The following SRBD1 variants were observed in gnomAD, a reference collection of about 807,000 sequenced individuals.
The protein encoded by SRBD1 is S1 RNA binding domain 1.
A neutral mutation model predicts 115.3 loss-of-function variants in SRBD1; 88 were observed. The ratio of observed to expected loss-of-function variants is 0.76; its 90% CI spans 0.64 to 0.91. The LOEUF is 0.91. SRBD1 is among the 40% of genes least tolerant of loss of function. The pLI is 0.00. For synonymous variants in SRBD1, 509 were observed against 407.7 expected (o/e 1.25, Z -2.99); for missense variants, 1,385 against 1,177.4 (o/e 1.18, Z -2.58).
intron 13 of SRBD1, 62 bp from the exon 14 acceptor site, chr2:45,546,901 A>G: frequency 7.0e-7 from 1 of 1,437,354 alleles, no homozygotes; most frequent in South Asian, 1.1e-5. Context: ...TCAGCTGGAG[A>G]AAATGTACAG....
chr2:45,561,322 C>A (rs1672658209), intron 10 of SRBD1, among the ~76,000 whole-genome samples: 1 of 152,272 alleles, frequency 6.6e-6, no homozygotes, highest in African/African-American at 2.4e-5. Flanking sequence ...ACATAATTGG[C>A]TTAAGCAATT....
chr2:45,479,119 A>T lies in SRBD1; in HGVS notation c.1967-2044T>A, dbSNP rs540220181. On this transcript the variant is annotated intron_variant, in intron 15 of 20. Transcript: ENST00000263736. ...AGGTAACAAACTTAATCAATAAATG[A>T]TGTCTGTGTCCTGACTGCTCCACCA... is the stretch of plus-strand genomic sequence containing the variant. 1.1e-3 allele frequency among the ~76,000 whole-genome samples: 166 copies of T among 152,228 alleles called. 1 individual carries two copies. The highest frequency in any genetic ancestry group is 1.8e-3 in the Non-Finnish European group (122 of 67,990).
chr2:45,427,310 C>T (rs1668185242), intron 16 of SRBD1, among the ~76,000 whole-genome samples: 1 of 152,040 alleles, frequency 6.6e-6, no homozygotes. Context: ...GCTAAATGCC[C>T]CAAATAAAAG....
chr2:45,402,037 C>G (rs1667305481), intron 19 of SRBD1, among the ~76,000 whole-genome samples: 1 of 152,106 alleles, frequency 6.6e-6, no homozygotes, highest in Non-Finnish European at 1.5e-5. Context: ...GATATGCCCA[C>G]TCATTAAGGG....
chr2:45,610,537 C>A (rs550216863), intron 1 of SRBD1, among the ~76,000 whole-genome samples: 1 of 152,182 alleles, frequency 6.6e-6, no homozygotes, highest in East Asian at 1.9e-4. Flanking sequence ...GCCTGGAACA[C>A]CAAGACTAGT....
intron 2 of SRBD1, among the ~76,000 whole-genome samples, chr2:45,603,611 C>G (rs1674169459): frequency 6.6e-6 from 1 of 152,176 alleles, no homozygotes; most frequent in African/African-American, 2.4e-5. Context: ...TTCACTGCAA[C>G]CTCCACCTCC....
At chr2:45,506,633 A>C (rs886377279) in intron 14 of SRBD1, among the ~76,000 whole-genome samples, 1 of 152,178 alleles carries the variant, frequency 6.6e-6, no homozygotes, top group African/African-American at 2.4e-5. Flanking sequence ...TACTATTCTT[A>C]AACTCTATGC....
intron 14 of SRBD1, among the ~76,000 whole-genome samples, chr2:45,509,177 C>T (rs944272797): frequency 1.3e-5 from 2 of 152,050 alleles, no homozygotes; most frequent in African/African-American, 2.4e-5. Flanking sequence ...CCCTAATCTC[C>T]GAGGGATATA....
chr2:45,456,645 C>T (rs1051248975), intron 16 of SRBD1, among the ~76,000 whole-genome samples: 4 of 151,822 alleles, frequency 2.6e-5, no homozygotes, highest in Non-Finnish European at 5.9e-5. Context: ...TTTTAAATAG[C>T]CCCAAATTAC....
chr2:45,564,275 G>C (rs968410396), intron 9 of SRBD1, among the ~76,000 whole-genome samples: 1 of 152,062 alleles, frequency 6.6e-6, no homozygotes, highest in African/African-American at 2.4e-5. Flanking sequence ...CAAAAAACTT[G>C]GAAATATAAG....
At chr2:45,427,782 C>G (rs770120892) in intron 16 of SRBD1, among the ~76,000 whole-genome samples, 9 of 152,174 alleles carry the variant, frequency 5.9e-5, no homozygotes, top group Admixed American at 5.9e-4. Flanking sequence ...AAGTTGGCTT[C>G]ATCTCTGGGA....
At chr2:45,457,410 A>G (rs1464843817) in intron 16 of SRBD1, among the ~76,000 whole-genome samples, 1 of 151,968 alleles carries the variant, frequency 6.6e-6, no homozygotes, top group African/African-American at 2.4e-5. Context: ...TACTAGGACA[A>G]CAGATTTTGG....
At chr2:45,463,029 GGGA>G (rs1360049435) in intron 16 of SRBD1, among the ~76,000 whole-genome samples, 813 of 76,806 alleles carry the variant, frequency 0.011, 13 homozygotes, top group African/African-American at 0.055. Context: ...GGGGGGGGGG[GGGA>G]AATCTCTCTT....
chr2:45,437,600 T>A (rs1393303397), intron 16 of SRBD1, among the ~76,000 whole-genome samples: 1 of 152,164 alleles, frequency 6.6e-6, no homozygotes, highest in Non-Finnish European at 1.5e-5. Flanking sequence ...TGGTGGTACA[T>A]GTTGATATTC....
intron 14 of SRBD1, among the ~76,000 whole-genome samples, chr2:45,493,822 A>AT (rs1001313157): frequency 7.8e-4 from 119 of 151,766 alleles, no homozygotes; most frequent in Non-Finnish European, 1.2e-3. Context: ...AAAAAAAAAA[A>AT]AAAATAAAAT....
At chr2:45,567,985 A>G (rs1672887567) in intron 9 of SRBD1, 1 of 152,248 alleles carries the variant, frequency 6.6e-6, no homozygotes, top group Non-Finnish European at 1.5e-5. Context: ...GGAATAAGGT[A>G]ACAGAAATAA....
chr2:45,454,104 C>A (rs1180404205), intron 16 of SRBD1, among the ~76,000 whole-genome samples: 1 of 151,910 alleles, frequency 6.6e-6, no homozygotes, highest in African/African-American at 2.4e-5. Context: ...ATCTATTAGC[C>A]AAAGACTAAT....
At chr2:45,416,799 G>T (rs1441104825) in intron 18 of SRBD1, among the ~76,000 whole-genome samples, 1 of 152,066 alleles carries the variant, frequency 6.6e-6, no homozygotes, top group East Asian at 1.9e-4. Context: ...TTTTGAGACA[G>T]ATAGGATCTT....
In SRBD1 at chr2:45,395,810, T is replaced by C. The variant is rs143250261; in HGVS notation, c.2514-2681A>G. On this transcript the variant is annotated intron_variant, in intron 19 of 20. Transcript: ENST00000263736. The stretch of plus-strand genomic sequence containing the variant: ...ATGATAGGAAACAATGTTTTATGCT[T>C]AGTAGCCATTCAATAAACATATGTT... Among the ~76,000 whole-genome samples, 258 of 152,316 alleles carry C rather than the reference T, an allele frequency of 1.7e-3. 1 individual carries two copies. The highest frequency in any genetic ancestry group is 5.9e-3 in the African/African-American group (245 of 41,576).
Sources: gnomAD v4.1 joint callset for allele counts (sites outside exome capture counted in the v4.1 genomes callset) on GRCh38, gnomAD v4.1.1 for gene constraint, MANE v1.5 for transcripts, NCBI Gene and HGNC (gene_info 2026-07-23, HGNC 2026-07-21) for gene names.